The following TUBGCP6 variants were observed in gnomAD, a reference collection of about 807,000 sequenced individuals.
The protein encoded by TUBGCP6 is gamma-tubulin complex component 6.
In TUBGCP6, 161 loss-of-function variants were observed where a neutral mutation model predicts 175.8. The observed-to-expected ratio is 0.92, with a 90% confidence interval of 0.81 to 1.04. The LOEUF (loss-of-function observed/expected upper bound fraction) is 1.04. Among genes scored for constraint, TUBGCP6 ranks in the 50% least tolerant of loss-of-function variants. The pLI is 0.00. For synonymous variants in TUBGCP6, 1,173 were observed against 1,030.5 expected (o/e 1.14, Z -2.65); for missense variants, 2,572 against 2,433.0 (o/e 1.06, Z -1.20).
In TUBGCP6 at chr22:50,218,190, T is replaced by C; in HGVS notation, c.5167A>G (p.Arg1723Gly). The C allele has an allele frequency of 1.9e-6, 3 of 1,611,594 alleles. No homozygotes were observed. Among genetic ancestry groups the C allele is most frequent in the Non-Finnish European group, 2.5e-6 (3 of 1,179,650 alleles). ...HAEYLHKAVF[R>G]GLLTEKAAPV... ...ACGCAGCCGCTGCCCAGGCCTCACC[T>C]GAAGACGGCCTTGTGCAGGTACTCT... Residue 1723 changes from arginine (R) to glycine (G), a missense_variant and splice_region_variant, in exon 23 of 25, where the codon AGG becomes GGG. Physicochemically the swap from Arg to Gly is moderately radical, Grantham distance 125. Coordinates refer to ENST00000248846, the MANE Select transcript of TUBGCP6 (RefSeq NM_020461.4).
intron 4 of TUBGCP6, among the ~76,000 whole-genome samples, chr22:50,228,281 C>CATGGCAAAGGG (rs1196309189): frequency 2.2e-5 from 1 of 46,136 alleles, no homozygotes; most frequent in African/African-American, 9.2e-5. Context: ...GCCCCAGGGG[C>CATGGCAAAGGG]GCCCACCACC....
At chr22:50,231,720 G>A (rs62239326) in intron 3 of TUBGCP6, among the ~76,000 whole-genome samples, 14,353 of 151,594 alleles carry the variant, frequency 0.095, 882 homozygotes, top group Non-Finnish European at 0.13. Context: ...TTAGACGGGC[G>A]CGGTGGCGGG....
chr22:50,237,300 C>A (rs1382195739), intron 2 of TUBGCP6, among the ~76,000 whole-genome samples: 1 of 152,228 alleles, frequency 6.6e-6, no homozygotes, highest in Non-Finnish European at 1.5e-5. Flanking sequence ...CAATTTCTGG[C>A]TAGGCGGCAG....
chr22:50,229,621 A>G, intron 3 of TUBGCP6, 44 bp from the exon 4 acceptor site: 1 of 1,539,802 alleles, frequency 6.5e-7, no homozygotes, highest in Non-Finnish European at 8.8e-7. Flanking sequence ...CCAGGCACCC[A>G]GACCCCCAGT....
chr22:50,222,245 G>A, intron 14 of TUBGCP6, 143 bp from the exon 15 acceptor site: 1 of 1,162,110 alleles, frequency 8.6e-7, no homozygotes. Context: ...TGGGACGCTG[G>A]GCCTGCAAAA....
At chr22:50,222,371 A>C in intron 14 of TUBGCP6, 83 bp downstream of exon 14, 6 of 1,575,030 alleles carry the variant, frequency 3.8e-6, no homozygotes, top group Non-Finnish European at 4.3e-6. Flanking sequence ...CTAGAAGAGC[A>C]TGTAGGTTTG....
intron 2 of TUBGCP6, among the ~76,000 whole-genome samples, chr22:50,238,081 C>T (rs2064797904): frequency 6.6e-6 from 1 of 151,454 alleles, no homozygotes; most frequent in Non-Finnish European, 1.5e-5. Flanking sequence ...TGCAGTGAGC[C>T]AAGATTGCGC....
At chr22:50,226,620 C>T in intron 7 of TUBGCP6, 113 bp downstream of exon 7, 1 of 1,000,240 alleles carries the variant, frequency 1.0e-6, no homozygotes, top group East Asian at 2.6e-5. Flanking sequence ...CCTATCCTGC[C>T]CTCCCCTTCC....
chr22:50,244,446 G>A lies in TUBGCP6; in HGVS notation c.14C>T (p.Thr5Met), dbSNP rs770562182. MASI[T>M]QLFDDLCEAL... ...CTCACACAGGTCGTCGAACAGCTGC[G>A]TGATGCTGGCCATGCCCCTTCTCAG... The change falls in exon 1 of 25, where the codon ACG becomes ATG. Residue 5 changes from threonine to methionine, a missense_variant. Thr to Met is a moderately conservative substitution (Grantham distance 81). Coordinates refer to ENST00000248846, the MANE Select transcript of TUBGCP6 (RefSeq NM_020461.4). 5.5e-5 allele frequency: 89 copies of A among 1,611,422 alleles called. No homozygotes were observed. The highest frequency in any genetic ancestry group is 7.5e-5 in the Non-Finnish European group (88 of 1,179,368).
At position 50,244,409 on chromosome 22, in the gene TUBGCP6, C is replaced by G; in HGVS notation, c.51G>C (p.Pro17=). The G allele has an allele frequency of 6.2e-7, 1 of 1,613,074 alleles. No homozygotes were observed. The highest frequency in any genetic ancestry group is 1.1e-5 in the South Asian group (1 of 91,074). The change falls in exon 1 of 25, where the codon CCG becomes CCC. Residue 17 remains proline (P), a synonymous_variant. Coordinates refer to ENST00000248846, the MANE Select transcript of TUBGCP6 (RefSeq NM_020461.4). ...LFDDLCEALL[P]AAKTHLGQRS... is the part of the protein sequence containing the mutation. ...GCTGGCCCAGGTGAGTCTTGGCAGCCGGCAGGAGGGCCTCACACAGGTCGT... is the reference window on the plus strand; with the variant it reads ...GCTGGCCCAGGTGAGTCTTGGCAGCGGGCAGGAGGGCCTCACACAGGTCGT...
At position 50,220,845 on chromosome 22, in the gene TUBGCP6, C is replaced by G; in HGVS notation, c.3514G>C (p.Gly1172Arg). Residue 1172 changes from glycine (G) to arginine (R), a missense_variant, in exon 16 of 25, where the codon GGG becomes CGG. Transcript: ENST00000248846. ...GGAGCCATGTCTGACACAGACTCCC[C>G]CAAGCTGATGCTGGCATCGGACACG... ...GHVSDASISL[G>R]ESVSDMAPAR... 1.2e-6 allele frequency: 2 copies of G among 1,604,110 alleles called. No homozygotes were observed. Among genetic ancestry groups the G allele is most frequent in the Non-Finnish European group, 1.7e-6 (2 of 1,174,982 alleles).
In TUBGCP6 at chr22:50,236,577, C is replaced by G. The variant is rs551943209; in HGVS notation, c.906-3051G>C. On this transcript the variant is annotated intron_variant, in intron 2 of 24. Transcript: ENST00000248846. ...TACTGGCACTACACACACTCACACC[C>G]CCGTCCTCCCTGCGAAAACAATCAG... Among the ~76,000 whole-genome samples, 144 of 152,258 alleles carry G rather than the reference C, an allele frequency of 9.5e-4. 1 individual carries two copies. The highest frequency in any genetic ancestry group is 1.4e-3 in the Non-Finnish European group (97 of 68,010).
rs757834201 is a variant in TUBGCP6 at position 50,221,132 on chromosome 22, C to T, written c.3227G>A (p.Arg1076Gln). ...GGATACGTGTCCGTGGGTGTTCCAC[C>T]GTGGCTGGGTGGGAGCCACATCTGA... ...NVSDVAPTQPRWNTHGHVSNA... is the reference protein window; with the variant it reads ...NVSDVAPTQPQWNTHGHVSNA... Residue 1076 changes from arginine (R) to glutamine (Q), a missense_variant, in exon 16 of 25, where the codon CGG becomes CAG. Coordinates refer to ENST00000248846, the MANE Select transcript of TUBGCP6 (RefSeq NM_020461.4). 14 of 1,607,710 alleles carry T rather than the reference C, an allele frequency of 8.7e-6. No individual in the cohort carries two copies. Among genetic ancestry groups the T allele is most frequent in the East Asian group, 4.5e-5 (2 of 44,802 alleles).
chr22:50,230,476 G>A (rs909289325), intron 3 of TUBGCP6, among the ~76,000 whole-genome samples: 5 of 151,856 alleles, frequency 3.3e-5, no homozygotes, highest in East Asian at 1.9e-4. Context: ...GCATGGTGGC[G>A]TGCACCTGTA....
At chr22:50,233,605 T>C (rs1189539585) in intron 2 of TUBGCP6, 79 bp from the exon 3 acceptor site, 3 of 1,365,002 alleles carry the variant, frequency 2.2e-6, no homozygotes, top group Non-Finnish European at 3.1e-6. Flanking sequence ...CTCTCGGGAA[T>C]GGGCATGAAC....
chr22:50,227,142 G>A (rs1314799275), intron 5 of TUBGCP6, 65 bp from the exon 6 acceptor site: 21 of 1,436,086 alleles, frequency 1.5e-5, no homozygotes, highest in East Asian at 2.4e-5. Context: ...GGATCAGATC[G>A]TGAGCAAAGT....
chr22:50,222,711 C>G, intron 13 of TUBGCP6, 119 bp from the exon 14 acceptor site: 1 of 1,418,194 alleles, frequency 7.1e-7, no homozygotes, highest in Admixed American at 2.1e-5. Context: ...CCGCCCCCGT[C>G]TCCCCCTACC....
At chr22:50,231,917 A>T (rs1286935141) in intron 3 of TUBGCP6, among the ~76,000 whole-genome samples, 1 of 151,746 alleles carries the variant, frequency 6.6e-6, no homozygotes, top group Non-Finnish European at 1.5e-5. Context: ...TCAAGTTACT[A>T]AAATCAGAAA....
rs1277375021 is a variant in TUBGCP6, at chr22:50,224,321, G to A, written c.2154+11C>T. 6.2e-7 allele frequency: 1 copy of A among 1,614,206 alleles called. No homozygotes were observed. The highest frequency in any genetic ancestry group is 1.1e-5 in the South Asian group (1 of 91,086). ...GACAGGCGTGACCCCGCAGGGACAGGTCCTACCCACCTCCTGGTCCTTCAC... is the reference window on the plus strand; with the variant it reads ...GACAGGCGTGACCCCGCAGGGACAGATCCTACCCACCTCCTGGTCCTTCAC... On this transcript the variant is annotated intron_variant, in intron 12 of 24. Transcript: ENST00000248846.
Sources: allele counts gnomAD v4.1 joint callset (sites outside exome capture counted in the v4.1 genomes callset), GRCh38; gene constraint gnomAD v4.1.1; transcripts MANE v1.5; gene names NCBI Gene and HGNC (gene_info 2026-07-23, HGNC 2026-07-21).